Variants in NMNAT2 observed in about 807,000 individuals in gnomAD.
NMNAT2 encodes the protein nicotinamide/nicotinic acid mononucleotide adenylyltransferase 2.
In NMNAT2, 11 loss-of-function variants were observed where a neutral mutation model predicts 41.6. The observed-to-expected ratio is 0.26, with a 90% confidence interval of 0.17 to 0.44. The LOEUF (loss-of-function observed/expected upper bound fraction) is 0.44, where lower values mean the gene tolerates loss of function less well. Among genes scored for constraint, NMNAT2 ranks in the 20% least tolerant of loss-of-function variants. The pLI is 1.00. For missense variants in NMNAT2, 288 were observed against 407.7 expected (o/e 0.71, Z 2.53); for synonymous variants, 148 against 151.2 (o/e 0.98, Z 0.16).
chr1:183,401,956 A>T (rs929949560), intron 1 of NMNAT2, among the ~76,000 whole-genome samples: 1 of 151,608 alleles, frequency 6.6e-6, no homozygotes, highest in African/African-American at 2.4e-5. Context: ...GCATTAGGAG[A>T]TATACCTAAT....
At chr1:183,266,746 A>C (rs1660826542) in intron 8 of NMNAT2, 1 of 215,936 alleles carries the variant, frequency 4.6e-6, no homozygotes, top group African/African-American at 2.3e-5. Flanking sequence ...CATTTAGAAA[A>C]TTCAAGCTAA....
Position 183,284,757 on chromosome 1 carries a change from C to T in NMNAT2, c.482G>A (p.Ser161Asn), listed in dbSNP as rs1661358696. Residue 161 changes from serine (S) to asparagine (N), a missense_variant, in exon 6 of 11, where the codon AGC becomes AAC. Ser to Asn is a conservative substitution (Grantham distance 46, BLOSUM62 1). Coordinates refer to ENST00000287713, the MANE Select transcript of NMNAT2 (RefSeq NM_015039.4). ...CGGCGGGCGGACACAGCAGATCCGG[C>T]TGAGGCTTTCTCCCACCTTCCCCAA... is the stretch of plus-strand genomic sequence containing the variant. ...KILGKVGESL[S>N]RICCVRPPVE... The T allele has an allele frequency of 6.2e-7, 1 of 1,614,138 alleles. No homozygotes were observed. Among genetic ancestry groups the T allele is most frequent in the Non-Finnish European group, 8.5e-7 (1 of 1,180,012 alleles).
At chr1:183,290,061 G>C in intron 4 of NMNAT2, 67 bp downstream of exon 4, 4 of 1,307,670 alleles carry the variant, frequency 3.1e-6, no homozygotes, top group Non-Finnish European at 4.3e-6. Flanking sequence ...CCTGGTTTCT[G>C]TGGGTCCAGC....
In NMNAT2 at chr1:183,288,792, C is replaced by G. The variant is rs546075447; in HGVS notation, c.321+1336G>C. On this transcript the variant is annotated intron_variant, in intron 4 of 10. Coordinates refer to ENST00000287713, the MANE Select transcript of NMNAT2 (RefSeq NM_015039.4). The stretch of plus-strand genomic sequence containing the variant: ...TCACCACAGCACGTCTTTGCCTATC[C>G]TGACTGATACAGTCTTACACAGTGT... Among the ~76,000 whole-genome samples the G allele has an allele frequency of 7.2e-5, 11 of 152,336 alleles. No individual in the cohort carries two copies. In the South Asian group the frequency reaches 2.3e-3, roughly 32 times the overall value.
At chr1:183,301,409 C>G (rs1407685800) in intron 1 of NMNAT2, among the ~76,000 whole-genome samples, 1 of 152,244 alleles carries the variant, frequency 6.6e-6, no homozygotes, top group East Asian at 1.9e-4. Flanking sequence ...AAAGCCAGCC[C>G]ATTGGCAAAG....
chr1:183,346,200 T>C (rs993717400), intron 1 of NMNAT2, among the ~76,000 whole-genome samples: 2 of 152,104 alleles, frequency 1.3e-5, no homozygotes, highest in African/African-American at 4.8e-5. Context: ...GGGTTCTTTC[T>C]CTCAGTTCCA....
At chr1:183,417,497 C>T (rs764654213) in intron 1 of NMNAT2, among the ~76,000 whole-genome samples, 1 of 152,188 alleles carries the variant, frequency 6.6e-6, no homozygotes, top group Admixed American at 6.5e-5. Flanking sequence ...CCCGCAGCCT[C>T]CGCCCGGCCC....
At position 183,290,986 on chromosome 1, in the gene NMNAT2, G is replaced by A. The variant is rs145661822; in HGVS notation, c.243-780C>T. On this transcript the variant is annotated intron_variant, in intron 3 of 10. Coordinates refer to ENST00000287713, the MANE Select transcript of NMNAT2 (RefSeq NM_015039.4). Reference sequence around the variant, plus strand: ...GGCTGGAGTGCAGTGGCAAGACCTCGGCTCACTGCAACCTCCATCTCCTGG... The same window carrying A: ...GGCTGGAGTGCAGTGGCAAGACCTCAGCTCACTGCAACCTCCATCTCCTGG... 1.7e-3 allele frequency among the ~76,000 whole-genome samples: 266 copies of A among 152,178 alleles called. 1 individual carries two copies. The highest frequency in any genetic ancestry group is 4.5e-3 in the African/African-American group (186 of 41,518).
chr1:183,329,793 A>G (rs1473060456), intron 1 of NMNAT2, among the ~76,000 whole-genome samples: 1 of 152,170 alleles, frequency 6.6e-6, no homozygotes, highest in Non-Finnish European at 1.5e-5. Flanking sequence ...GGGGCATTGC[A>G]AGCATCCGGT....
intron 8 of NMNAT2, among the ~76,000 whole-genome samples, chr1:183,269,934 A>G (rs1476180989): frequency 6.6e-6 from 1 of 152,050 alleles, no homozygotes; most frequent in Non-Finnish European, 1.5e-5. Flanking sequence ...CCCAGGCTGG[A>G]GTGCAGTGGC....
chr1:183,354,683 C>A (rs1016486100), intron 1 of NMNAT2, among the ~76,000 whole-genome samples: 4 of 152,184 alleles, frequency 2.6e-5, no homozygotes, highest in Non-Finnish European at 5.9e-5. Flanking sequence ...TCCGAAAGTG[C>A]TGGGATTACA....
chr1:183,272,680 T>C (rs966113103), intron 8 of NMNAT2, among the ~76,000 whole-genome samples: 13 of 151,946 alleles, frequency 8.6e-5, no homozygotes, highest in Non-Finnish European at 1.8e-4. Flanking sequence ...CAGTAGAGAG[T>C]GTGTGTTGGT....
intron 1 of NMNAT2, among the ~76,000 whole-genome samples, chr1:183,364,189 T>C (rs1428456343): frequency 6.6e-6 from 1 of 152,242 alleles, no homozygotes; most frequent in East Asian, 1.9e-4. Context: ...TGCTATGTAC[T>C]AGGAACACGA....
intron 10 of NMNAT2, among the ~76,000 whole-genome samples, chr1:183,255,361 C>T (rs1558106216): frequency 6.6e-6 from 1 of 151,728 alleles, no homozygotes; most frequent in East Asian, 1.9e-4. Flanking sequence ...ATGCCTCCAA[C>T]TTTTTTTTTC....
At chr1:183,270,924 A>C (rs1184419012) in intron 8 of NMNAT2, among the ~76,000 whole-genome samples, 2 of 152,106 alleles carry the variant, frequency 1.3e-5, no homozygotes, top group Non-Finnish European at 2.9e-5. Flanking sequence ...GGAGTGGCTA[A>C]TGCCCGAGGC....
At chr1:183,302,163 A>G (rs952801197) in intron 1 of NMNAT2, among the ~76,000 whole-genome samples, 3 of 152,184 alleles carry the variant, frequency 2.0e-5, no homozygotes, top group Non-Finnish European at 2.9e-5. Context: ...TCCCTAACAA[A>G]CATTTAATAA....
intron 4 of NMNAT2, among the ~76,000 whole-genome samples, chr1:183,287,736 G>C (rs959304328): frequency 6.6e-6 from 1 of 152,222 alleles, no homozygotes; most frequent in Non-Finnish European, 1.5e-5. Flanking sequence ...AAAGCCAGCT[G>C]CCTGGGTACC....
chr1:183,335,779 C>T (rs1403050464), intron 1 of NMNAT2, among the ~76,000 whole-genome samples: 1 of 152,160 alleles, frequency 6.6e-6, no homozygotes, highest in African/African-American at 2.4e-5. Context: ...ATTATAGGGT[C>T]TCAGAAGTCA....
intron 1 of NMNAT2, among the ~76,000 whole-genome samples, chr1:183,300,680 T>C (rs1485628727): frequency 6.6e-6 from 1 of 152,200 alleles, no homozygotes; most frequent in Non-Finnish European, 1.5e-5. Context: ...TCTATAGTTA[T>C]CTCAGAAAAA....
Sources: gnomAD v4.1 joint callset for allele counts (sites outside exome capture counted in the v4.1 genomes callset) on GRCh38, gnomAD v4.1.1 for gene constraint, MANE v1.5 for transcripts, NCBI Gene and HGNC (gene_info 2026-07-23, HGNC 2026-07-21) for gene names.